TRERF1: variants seen among roughly 807,000 people sequenced by gnomAD.
TRERF1 encodes transcriptional-regulating factor 1.
Under a neutral mutation model 122.9 loss-of-function variants are expected in TRERF1, and 27 were observed. The ratio of observed to expected loss-of-function variants is 0.22; its 90% CI spans 0.16 to 0.30. The LOEUF (loss-of-function observed/expected upper bound fraction) is 0.30. Ranked by LOEUF, TRERF1 falls within the 10% of genes least tolerant of loss-of-function variation. The probability of loss-of-function intolerance (pLI) is 1.00; values close to 1 mark genes in which losing one functional copy is unlikely to be tolerated. For synonymous variants in TRERF1, 636 were observed against 641.7 expected (o/e 0.99, Z 0.13); for missense variants, 1,248 against 1,560.3 (o/e 0.80, Z 3.37).
exon 18 of TRERF1, chr6:42,226,779 C>T (rs1355263773): frequency 6.6e-6 from 1 of 152,246 alleles, no homozygotes; most frequent in Non-Finnish European, 1.5e-5. Flanking sequence ...TATTCTCTCT[C>T]ATGTCAAGCT....
chr6:42,346,691 C>T (rs1273022044), intron 3 of TRERF1, among the ~76,000 whole-genome samples: 3 of 152,142 alleles, frequency 2.0e-5, no homozygotes, highest in Non-Finnish European at 4.4e-5. Flanking sequence ...CTAAAGAGAC[C>T]AACCATCCTA....
intron 3 of TRERF1, among the ~76,000 whole-genome samples, chr6:42,360,222 G>A (rs1181993497): frequency 6.6e-6 from 1 of 152,198 alleles, no homozygotes; most frequent in Non-Finnish European, 1.5e-5. Flanking sequence ...CTATAAAGTA[G>A]GTGCTATTCT....
intron 15 of TRERF1, among the ~76,000 whole-genome samples, chr6:42,239,203 T>C (rs1393887489): frequency 6.6e-6 from 1 of 152,182 alleles, no homozygotes; most frequent in Admixed American, 6.5e-5. Context: ...TGTGCTGACA[T>C]CATGGTGAGT....
chr6:42,304,532 C>A (rs535627796), intron 3 of TRERF1, among the ~76,000 whole-genome samples: 1 of 152,322 alleles, frequency 6.6e-6, no homozygotes, highest in South Asian at 2.1e-4. Flanking sequence ...AAGGATTTCC[C>A]AGCCGGTGCT....
intron 4 of TRERF1, among the ~76,000 whole-genome samples, chr6:42,299,137 C>T (rs568859311): frequency 1.7e-4 from 23 of 132,128 alleles, no homozygotes; most frequent in African/African-American, 3.6e-4. Context: ...TATCTATCTA[C>T]ATATATATAT....
At position 42,269,687 on chromosome 6, in the gene TRERF1, A is replaced by G; in HGVS notation, c.-97T>C. 6.7e-7 allele frequency: 1 copy of G among 1,482,814 alleles called. No homozygotes were observed. The highest frequency in any genetic ancestry group is 8.9e-7 in the Non-Finnish European group (1 of 1,119,488). The allele number at this position is 1,482,814 out of a possible 1,614,324, so 91.9% of individuals were successfully genotyped here. ...CTGAAACCCTGAGAAGCTGAGAGAA[A>G]AGTGTCAGCACTACTCCACGGCTGA... On this transcript the variant is annotated 5_prime_UTR_variant, in exon 5 of 18. Transcript: ENST00000372922. This position sits in a 1 kb window ranked among gnomAD's most constrained non-coding sequence, Gnocchi z 4.9.
At chr6:42,409,112 T>C (rs895787849) in intron 2 of TRERF1, among the ~76,000 whole-genome samples, 2 of 151,924 alleles carry the variant, frequency 1.3e-5, no homozygotes, top group Non-Finnish European at 2.9e-5. Flanking sequence ...CATGACAAAA[T>C]CCTGTCTCTA....
chr6:42,314,029 G>C (rs2150374313), intron 3 of TRERF1, among the ~76,000 whole-genome samples: 1 of 152,210 alleles, frequency 6.6e-6, no homozygotes, highest in African/African-American at 2.4e-5. Flanking sequence ...GGAACAGCTG[G>C]AGGTGCGGCC....
chr6:42,283,757 C>T (rs956800694), intron 4 of TRERF1, among the ~76,000 whole-genome samples: 2 of 151,730 alleles, frequency 1.3e-5, no homozygotes, highest in African/African-American at 4.8e-5. Flanking sequence ...GCTGGGATTA[C>T]AGGCATGCGC....
Position 42,245,074 on chromosome 6 carries a change from GT to G in TRERF1, c.2745+1381del, listed in dbSNP as rs1349127240. Among the ~76,000 whole-genome samples the G allele has an allele frequency of 2.0e-5, 3 of 152,368 alleles. No individual in the cohort carries two copies. In the East Asian group the frequency reaches 5.8e-4, roughly 29 times the overall value. ...TTCCACACTAGAATCACCTGAGGGAGTGAGGACAGTGCCCGTCCCAGAGAGC... is the reference window on the plus strand; with the variant it reads ...TTCCACACTAGAATCACCTGAGGGAGGAGGACAGTGCCCGTCCCAGAGAGC... On this transcript the variant is annotated intron_variant, in intron 14 of 17. Coordinates refer to ENST00000372922, the Ensembl canonical transcript of TRERF1.
At chr6:42,322,173 C>T (rs1245830815) in intron 3 of TRERF1, among the ~76,000 whole-genome samples, 3 of 152,060 alleles carry the variant, frequency 2.0e-5, no homozygotes, top group Middle Eastern at 3.4e-3. Flanking sequence ...GGTAACTAAG[C>T]AGAGGAACTA....
At chr6:42,330,048 A>C (rs1764992991) in intron 3 of TRERF1, among the ~76,000 whole-genome samples, 2 of 152,150 alleles carry the variant, frequency 1.3e-5, no homozygotes, top group South Asian at 4.1e-4. Context: ...AAATAAATTC[A>C]ATGTCAACAA....
At chr6:42,236,284 G>A (rs1772164657) in exon 16 of TRERF1, 10 of 1,612,308 alleles carry the variant, frequency 6.2e-6, no homozygotes, top group Non-Finnish European at 7.6e-6. Flanking sequence ...CTCCGTGGGA[G>A]CCAGGACGGG....
intron 3 of TRERF1, among the ~76,000 whole-genome samples, chr6:42,325,806 T>A (rs1764186730): frequency 6.6e-6 from 1 of 152,094 alleles, no homozygotes; most frequent in Non-Finnish European, 1.5e-5. Flanking sequence ...ATCCAGGAGT[T>A]CGAAGCTGCT....
At chr6:42,322,673 C>T (rs989738798) in intron 3 of TRERF1, among the ~76,000 whole-genome samples, 146 of 152,188 alleles carry the variant, frequency 9.6e-4, no homozygotes, top group African/African-American at 3.2e-3. Flanking sequence ...ATATATGGTG[C>T]AGCATGCAGA....
At chr6:42,443,309 C>A (rs1249273744) in intron 2 of TRERF1, among the ~76,000 whole-genome samples, 1 of 152,184 alleles carries the variant, frequency 6.6e-6, no homozygotes, top group Non-Finnish European at 1.5e-5. Context: ...TAATAAAGAT[C>A]ATTTTTAAAT....
chr6:42,413,774 G>C (rs1481400767), intron 2 of TRERF1, among the ~76,000 whole-genome samples: 1 of 152,054 alleles, frequency 6.6e-6, no homozygotes, highest in Admixed American at 6.6e-5. Context: ...AGCTTCGTGT[G>C]CACCTTAAAG....
At chr6:42,248,179 A>ACATTT (rs1255052506) in intron 13 of TRERF1, among the ~76,000 whole-genome samples, 1 of 152,152 alleles carries the variant, frequency 6.6e-6, no homozygotes, top group African/African-American at 2.4e-5. Flanking sequence ...TATATGGCTC[A>ACATTT]GTGACATAAA....
chr6:42,327,978 A>G (rs1033673136), intron 3 of TRERF1, among the ~76,000 whole-genome samples: 3 of 145,642 alleles, frequency 2.1e-5, no homozygotes, highest in Non-Finnish European at 3.0e-5. Flanking sequence ...CCCAATTACT[A>G]TCCCTAATTT....
Sources: allele counts gnomAD v4.1 joint callset (sites outside exome capture counted in the v4.1 genomes callset), GRCh38; gene constraint gnomAD v4.1.1; non-coding constraint Gnocchi (gnomAD v3.1); transcripts MANE v1.5; gene names NCBI Gene and HGNC (gene_info 2026-07-23, HGNC 2026-07-21).